Variants in DGKB observed in about 807,000 individuals in gnomAD.
DGKB encodes diacylglycerol kinase beta.
DGKB carries 67 observed loss-of-function variants against 114.3 expected under a neutral mutation model. The ratio of observed to expected loss-of-function variants is 0.59; its 90% confidence interval spans 0.48 to 0.72. The LOEUF (loss-of-function observed/expected upper bound fraction) is 0.72, where lower values mean the gene tolerates loss of function less well. DGKB is among the 30% of genes least tolerant of loss of function. DGKB has a pLI of 0.00. For synonymous variants in DGKB, 398 were observed against 323.1 expected (o/e 1.23, Z -2.49); for missense variants, 907 against 975.2 (o/e 0.93, Z 0.93).
At chr7:14,799,417 G>A (rs1841843049) in intron 2 of DGKB, among the ~76,000 whole-genome samples, 1 of 152,174 alleles carries the variant, frequency 6.6e-6, no homozygotes, top group Non-Finnish European at 1.5e-5. Context: ...CATGCTAACT[G>A]GATGTAGGAG....
chr7:14,399,740 A>T (rs1326175889), intron 21 of DGKB, among the ~76,000 whole-genome samples: 2 of 151,910 alleles, frequency 1.3e-5, no homozygotes, highest in Non-Finnish European at 1.5e-5. Context: ...ATGGCAATGA[A>T]AATCTACTTC....
rs772640705 is a variant in DGKB, at chr7:14,789,369, TTG to T, written c.71-31640_71-31639del. Among the ~76,000 whole-genome samples the T allele has an allele frequency of 1.1e-4, 16 of 152,194 alleles. 1 individual carries two copies. Among genetic ancestry groups the T allele is most frequent in the Non-Finnish European group, 2.1e-4 (14 of 68,036 alleles). Reference sequence around the variant, plus strand: ...ATTCATCTGTTCTTCATTTCTATAATTGTGTCTTTTCAAAAATGCTATGTGCA... The same window carrying T: ...ATTCATCTGTTCTTCATTTCTATAATTGTCTTTTCAAAAATGCTATGTGCA... On this transcript the variant is annotated intron_variant, in intron 2 of 25. Coordinates refer to ENST00000402815, the MANE Select transcript of DGKB (RefSeq NM_001350709.2).
At chr7:14,436,826 A>G (rs1451187880) in intron 21 of DGKB, among the ~76,000 whole-genome samples, 2 of 152,120 alleles carry the variant, frequency 1.3e-5, no homozygotes, top group Non-Finnish European at 2.9e-5. Flanking sequence ...GGCAATATTA[A>G]ATTATTAAAA....
intron 1 of DGKB, among the ~76,000 whole-genome samples, chr7:14,941,847 G>C (rs1167446738): frequency 2.6e-5 from 4 of 151,952 alleles, no homozygotes; most frequent in Non-Finnish European, 5.9e-5. Flanking sequence ...AAGCAAAACA[G>C]GCATAATAAG....
chr7:14,257,733 C>T (rs38289), intron 23 of DGKB, among the ~76,000 whole-genome samples: 82,351 of 151,970 alleles, frequency 0.54, 24,440 homozygotes, highest in East Asian at 0.99. Flanking sequence ...CTTTTATTTA[C>T]TTATTTTTTT....
chr7:14,234,156 G>A (rs1429052249), intron 23 of DGKB, among the ~76,000 whole-genome samples: 1 of 151,878 alleles, frequency 6.6e-6, no homozygotes, highest in African/African-American at 2.4e-5. Context: ...ACCTTGTGAT[G>A]GACTTTGAAA....
intron 6 of DGKB, among the ~76,000 whole-genome samples, chr7:14,710,103 A>G (rs79120630): frequency 0.089 from 13,564 of 152,118 alleles, 783 homozygotes; most frequent in Middle Eastern, 0.13. Flanking sequence ...GAACCTATAG[A>G]TCTGTTTGGG....
chr7:14,399,065 T>C (rs188495499), intron 21 of DGKB, among the ~76,000 whole-genome samples: 2 of 151,858 alleles, frequency 1.3e-5, no homozygotes, highest in Admixed American at 1.3e-4. Context: ...TTCAGGAGTT[T>C]CCTCGGCGAC....
chr7:14,912,692 C>T (rs1354368417), intron 1 of DGKB, among the ~76,000 whole-genome samples: 1 of 152,106 alleles, frequency 6.6e-6, no homozygotes, highest in Non-Finnish European at 1.5e-5. Context: ...AGTGTCAAGG[C>T]TAAATATTGT....
At chr7:14,322,051 T>G (rs1048957754) in intron 23 of DGKB, among the ~76,000 whole-genome samples, 6 of 152,164 alleles carry the variant, frequency 3.9e-5, no homozygotes, top group African/African-American at 1.2e-4. Context: ...AAACATTAAT[T>G]AGGAAACTGT....
chr7:14,675,778 T>G (rs1221517704), intron 12 of DGKB, among the ~76,000 whole-genome samples: 1 of 152,050 alleles, frequency 6.6e-6, no homozygotes, highest in Non-Finnish European at 1.5e-5. Flanking sequence ...CCAAGAAGTC[T>G]ATATTTGATA....
At chr7:14,930,223 T>C (rs1784945712) in intron 1 of DGKB, among the ~76,000 whole-genome samples, 1 of 152,188 alleles carries the variant, frequency 6.6e-6, no homozygotes, top group Admixed American at 6.5e-5. Context: ...TGGTTCCATA[T>C]GAATTTTAGG....
chr7:14,448,311 T>G (rs1187599026), intron 21 of DGKB, among the ~76,000 whole-genome samples: 2 of 152,042 alleles, frequency 1.3e-5, no homozygotes, highest in African/African-American at 4.8e-5. Flanking sequence ...TGCTGAAAGT[T>G]GTGGTTGATC....
At chr7:14,175,927 C>T (rs1418086241) in intron 25 of DGKB, 1 of 152,024 alleles carries the variant, frequency 6.6e-6, no homozygotes, top group Non-Finnish European at 1.5e-5. Flanking sequence ...GCCTCAGCCT[C>T]CTGAGTAGCT....
At chr7:14,231,648 A>G (rs1301700245) in intron 23 of DGKB, among the ~76,000 whole-genome samples, 1 of 151,732 alleles carries the variant, frequency 6.6e-6, no homozygotes, top group Non-Finnish European at 1.5e-5. Flanking sequence ...GTGTGTACAT[A>G]TATTTATATA....
In DGKB at chr7:14,300,578, T is replaced by C. The variant is rs533453542; in HGVS notation, c.2122+37937A>G. Among the ~76,000 whole-genome samples the C allele has an allele frequency of 1.1e-3, 172 of 152,262 alleles. 3 individuals are homozygous for C. The highest frequency in any genetic ancestry group is 4.1e-3 in the African/African-American group (169 of 41,572). ...ATGGAGTTATGTATTCTTATAAATC[T>C]CTGAATACCTGCAGTCAAATTTAAA... On this transcript the variant is annotated intron_variant, in intron 23 of 25. Coordinates refer to ENST00000402815, the MANE Select transcript of DGKB (RefSeq NM_001350709.2).
intron 21 of DGKB, among the ~76,000 whole-genome samples, chr7:14,469,807 TAGA>T (rs1328977066): frequency 6.6e-6 from 1 of 151,880 alleles, no homozygotes; most frequent in Non-Finnish European, 1.5e-5. Context: ...AATACACACA[TAGA>T]AGAGCACATA....
intron 23 of DGKB, among the ~76,000 whole-genome samples, chr7:14,305,500 G>T (rs1804317987): frequency 6.6e-6 from 1 of 152,138 alleles, no homozygotes; most frequent in Middle Eastern, 3.2e-3. Flanking sequence ...AGGCTGAAAT[G>T]ATTTTAAAGA....
At chr7:14,603,530 G>C (rs1022275187) in intron 17 of DGKB, among the ~76,000 whole-genome samples, 3 of 152,042 alleles carry the variant, frequency 2.0e-5, no homozygotes, top group African/African-American at 7.2e-5. Flanking sequence ...AATGAAATCT[G>C]TGAAATCTGT....
Sources: allele counts gnomAD v4.1 joint callset (sites outside exome capture counted in the v4.1 genomes callset), GRCh38; gene constraint gnomAD v4.1.1; transcripts MANE v1.5; gene names NCBI Gene and HGNC (gene_info 2026-07-23, HGNC 2026-07-21).